PIK3CB: variants seen among roughly 807,000 people sequenced by gnomAD.
The protein encoded by PIK3CB is phosphatidylinositol 4,5-bisphosphate 3-kinase catalytic subunit beta isoform.
Under a neutral mutation model 136.8 loss-of-function variants are expected in PIK3CB, and 39 were observed. The observed-to-expected ratio is 0.29, with a 90% CI of 0.22 to 0.37. PIK3CB has a LOEUF of 0.37. Ranked by LOEUF, PIK3CB falls within the 10% of genes least tolerant of loss-of-function variation. The pLI is 1.00. For missense variants in PIK3CB, 868 were observed against 1,275.4 expected (o/e 0.68, Z 4.87); for synonymous variants, 428 against 436.6 (o/e 0.98, Z 0.25).
chr3:138,829,656 G>A (rs1933938044), intron 1 of PIK3CB, among the ~76,000 whole-genome samples: 1 of 152,000 alleles, frequency 6.6e-6, no homozygotes, highest in South Asian at 2.1e-4. Context: ...GCGTGGTGGC[G>A]TGCGCCTATA....
intron 1 of PIK3CB, among the ~76,000 whole-genome samples, chr3:138,800,365 T>C (rs1337052882): frequency 2.0e-5 from 3 of 152,050 alleles, no homozygotes. Flanking sequence ...AGAGTCTTTG[T>C]CACCCAAAGA....
At chr3:138,669,199 T>C (rs1329125650) in intron 19 of PIK3CB, among the ~76,000 whole-genome samples, 12 of 151,750 alleles carry the variant, frequency 7.9e-5, no homozygotes, top group Non-Finnish European at 1.5e-4. Flanking sequence ...ACTGCTTGAG[T>C]CAAGGAGTTT....
At chr3:138,804,027 G>A (rs1001664716) in intron 1 of PIK3CB, among the ~76,000 whole-genome samples, 6 of 152,086 alleles carry the variant, frequency 3.9e-5, no homozygotes, top group Non-Finnish European at 8.8e-5. Context: ...AGGTATAGAA[G>A]CAACCTGACT....
In PIK3CB at chr3:138,734,669, G is replaced by A. The variant is rs2108644384; in HGVS notation, c.937C>T (p.Leu313Phe). The A allele has an allele frequency of 6.2e-7, 1 of 1,613,050 alleles. No homozygotes were observed. The highest frequency in any genetic ancestry group is 8.5e-7 in the Non-Finnish European group (1 of 1,179,294). The change falls in exon 7 of 24, where the codon CTT becomes TTT. Residue 313 changes from leucine (L) to phenylalanine (F), a missense_variant. By Grantham distance (22) the Leu-to-Phe change is conservative. This residue lies in a region of PIK3CB where 612 missense variants were observed against 801.1 expected (regional missense o/e 0.76). Coordinates refer to ENST00000674063, the MANE Select transcript of PIK3CB (RefSeq NM_006219.3). Reference protein sequence around the residue: ...AINRNSSNLPLPLPPKKTRII... With the variant: ...AINRNSSNLPFPLPPKKTRII... ...CGTGTTTTCTTTGGTGGTAATGGAA[G>A]AGGAAGATTAGATGAATTTCGATTT...
In PIK3CB at chr3:138,698,945, G is replaced by A. The variant is rs761568339; in HGVS notation, c.1732C>T (p.Leu578=). ...TCAAGTTTATTCCACTTGATTGACA[G>A]CAGTAATTTTGGCAGTGATTGTGGG... ...IFPQSLPKLL[L]SIKWNKLEDV... The change falls in exon 13 of 24, where the codon CTG becomes TTG. Residue 578 remains leucine (L), a synonymous_variant. Coordinates refer to ENST00000674063, the MANE Select transcript of PIK3CB (RefSeq NM_006219.3). 2.5e-6 allele frequency: 4 copies of A among 1,601,204 alleles called. No homozygotes were observed. Among genetic ancestry groups the A allele is most frequent in the South Asian group, 1.1e-5 (1 of 89,406 alleles).
chr3:138,767,653 G>A (rs1156792124), intron 2 of PIK3CB, among the ~76,000 whole-genome samples: 1 of 152,154 alleles, frequency 6.6e-6, no homozygotes, highest in Non-Finnish European at 1.5e-5. Flanking sequence ...GCAAGTGTGG[G>A]GTCCAGCCCC....
chr3:138,815,444 A>G (rs1933285210), intron 1 of PIK3CB, among the ~76,000 whole-genome samples: 1 of 150,578 alleles, frequency 6.6e-6, no homozygotes, highest in Non-Finnish European at 1.5e-5. Context: ...AAAAAAAAGA[A>G]GAAAGAGAAT....
chr3:138,685,420 A>AAAAAAAAAAGAAAG (rs2043866681), intron 16 of PIK3CB, among the ~76,000 whole-genome samples: 6 of 86,948 alleles, frequency 6.9e-5, no homozygotes, highest in East Asian at 1.3e-3. Context: ...AAAAAAAAAA[A>AAAAAAAAAAGAAAG]AAAGAAAGAA....
At chr3:138,828,375 C>A (rs978186626) in intron 1 of PIK3CB, among the ~76,000 whole-genome samples, 21 of 151,336 alleles carry the variant, frequency 1.4e-4, no homozygotes, top group African/African-American at 4.9e-4. Context: ...TTAGTAGAGA[C>A]GGGTTTTCAC....
At chr3:138,681,111 A>G (rs1191430449) in intron 19 of PIK3CB, among the ~76,000 whole-genome samples, 4 of 148,862 alleles carry the variant, frequency 2.7e-5, no homozygotes, top group African/African-American at 7.5e-5. Context: ...TAGTGGTGCA[A>G]TCTCTGTTCC....
At chr3:138,748,765 A>G (rs370371328) in intron 4 of PIK3CB, among the ~76,000 whole-genome samples, 3 of 152,236 alleles carry the variant, frequency 2.0e-5, no homozygotes, top group Admixed American at 6.5e-5. Flanking sequence ...CAGAATATGC[A>G]TAAGTTTTTG....
rs185961127 is a variant in PIK3CB, at chr3:138,831,042, G to A, written c.-122+3653C>T. On this transcript the variant is annotated intron_variant, in intron 1 of 23. Transcript: ENST00000674063. The stretch of plus-strand genomic sequence containing the variant: ...TCCCGCCTGGAGTCCCAGCACTTTG[G>A]GAGGCCAAGGCGGGCGGATCACGAG... 3.1e-3 allele frequency among the ~76,000 whole-genome samples: 467 copies of A among 150,162 alleles called. 7 individuals are homozygous for A. Among genetic ancestry groups the A allele is most frequent in the Admixed American group, 0.029 (432 of 15,046 alleles).
chr3:138,744,392 CAAAAAAAAAAAAAAAAA>C (rs60503033), intron 4 of PIK3CB, among the ~76,000 whole-genome samples: 3 of 45,078 alleles, frequency 6.7e-5, no homozygotes, highest in South Asian at 8.5e-4. Flanking sequence ...GAGACTCCCC[CAAAAAAAAAAAAAAAAA>C]AAAAAAAAAA....
intron 19 of PIK3CB, among the ~76,000 whole-genome samples, chr3:138,667,858 G>C (rs1394343296): frequency 6.6e-6 from 1 of 151,988 alleles, no homozygotes; most frequent in Admixed American, 6.6e-5. Flanking sequence ...CCTGAGATCA[G>C]GGGTTCGAGA....
chr3:138,705,016 G>A (rs2044333997), intron 11 of PIK3CB, among the ~76,000 whole-genome samples: 1 of 150,676 alleles, frequency 6.6e-6, no homozygotes, highest in South Asian at 2.1e-4. Context: ...TGAACTCCTG[G>A]GCTCAGGCAA....
At chr3:138,676,447 C>T (rs2043645720) in intron 19 of PIK3CB, among the ~76,000 whole-genome samples, 1 of 152,150 alleles carries the variant, frequency 6.6e-6, no homozygotes, top group Non-Finnish European at 1.5e-5. Context: ...AACATCAGTT[C>T]CAGTAATTTT....
chr3:138,733,703 C>A (rs1157560269), intron 7 of PIK3CB, among the ~76,000 whole-genome samples: 1 of 151,996 alleles, frequency 6.6e-6, no homozygotes, highest in African/African-American at 2.4e-5. Flanking sequence ...ACGGTGAAAC[C>A]CCGTCTCTAC....
At chr3:138,769,433 C>G (rs6772790) in intron 2 of PIK3CB, among the ~76,000 whole-genome samples, 4,215 of 152,256 alleles carry the variant, frequency 0.028, 205 homozygotes, top group African/African-American at 0.097. Context: ...CTTAACTAAT[C>G]AGAGGAATGT....
rs566636932 is a variant in PIK3CB, at chr3:138,760,767, C to T, written c.-16-1408G>A. On this transcript the variant is annotated intron_variant, in intron 2 of 23. Transcript: ENST00000674063. ...CAAAACATACAAAAAATTGGCCAGG[C>T]GTAGTGGTGCATACCTGTAGTCCCA... is the stretch of plus-strand genomic sequence containing the variant. 4.6e-4 allele frequency among the ~76,000 whole-genome samples: 70 copies of T among 152,022 alleles called. 1 individual carries two copies. Among genetic ancestry groups the T allele is most frequent in the Non-Finnish European group, 8.5e-4 (58 of 67,998 alleles).
Sources: allele counts gnomAD v4.1 joint callset (sites outside exome capture counted in the v4.1 genomes callset), GRCh38; gene constraint gnomAD v4.1.1; regional missense constraint gnomAD v4.1.1; transcripts MANE v1.5; gene names NCBI Gene and HGNC (gene_info 2026-07-23, HGNC 2026-07-21).